CAMSAP1: variants seen among roughly 807,000 people sequenced by gnomAD.
CAMSAP1 encodes the protein calmodulin regulated spectrin associated protein 1.
In CAMSAP1, 58 loss-of-function variants were observed where a neutral mutation model predicts 143.5. That is an observed-to-expected ratio of 0.40 (90% confidence interval 0.33 to 0.50). CAMSAP1 has a LOEUF of 0.50. Among genes scored for constraint, CAMSAP1 ranks in the 20% least tolerant of loss-of-function variants. The probability of loss-of-function intolerance (pLI) is 0.45; values close to 1 mark genes in which losing one functional copy is unlikely to be tolerated. For synonymous variants in CAMSAP1, 945 were observed against 859.3 expected, an observed-to-expected ratio of 1.10 and a Z score of -1.74; for missense variants, 1,969 against 2,115.7, an observed-to-expected ratio of 0.93 and a Z score of 1.36.
chr9:135,866,230 A>G (rs1036198949), intron 4 of CAMSAP1: 1 of 471,638 alleles, frequency 2.1e-6, no homozygotes, highest in Non-Finnish European at 3.9e-6. Context: ...CACGCACCAT[A>G]AAGTGCAATA....
chr9:135,901,919 C>T (rs1838630082), intron 1 of CAMSAP1, among the ~76,000 whole-genome samples: 1 of 152,172 alleles, frequency 6.6e-6, no homozygotes, highest in Admixed American at 6.5e-5. Context: ...TCAGTACACC[C>T]GAAGACACCT....
In CAMSAP1 at chr9:135,826,967, C is replaced by A. The variant is rs7035330; in HGVS notation, c.1223+440G>T. Among the ~76,000 whole-genome samples the A allele has an allele frequency of 0.35, 52,977 of 152,168 alleles. 10,809 individuals are homozygous for A. Among genetic ancestry groups the A allele is most frequent in the African/African-American group, 0.57 (23,854 of 41,500 alleles). On this transcript the variant is annotated intron_variant, in intron 8 of 16. Transcript: ENST00000389532. The surrounding 1 kb of genome is among the most constrained non-coding windows in gnomAD (Gnocchi z 4.4). The stretch of plus-strand genomic sequence containing the variant: ...AAGCAGCTCTATACACTTTTTCACT[C>A]GAATCAAATTAATTCTTCCCCAAAG...
intron 3 of CAMSAP1, among the ~76,000 whole-genome samples, chr9:135,875,441 C>T (rs1034070305): frequency 1.3e-5 from 2 of 152,060 alleles, no homozygotes; most frequent in African/African-American, 2.4e-5. Context: ...GAACTCCTGA[C>T]CTCAAGTGAC....
rs367693219 is a variant in CAMSAP1 at position 135,882,986 on chromosome 9, T to C, written c.253A>G (p.Ser85Gly). 1.9e-5 allele frequency: 30 copies of C among 1,551,634 alleles called. No individual in the cohort carries two copies. The highest frequency in any genetic ancestry group is 2.6e-5 in the Non-Finnish European group (30 of 1,147,012). The change falls in exon 2 of 17, where the codon AGC (serine) becomes GGC (glycine). Residue 85 changes from serine to glycine, a missense_variant. This residue lies in a region of CAMSAP1 where 215 missense variants were observed against 196.2 expected (regional missense o/e 1.10). Transcript: ENST00000389532. This position sits in a 1 kb window ranked among gnomAD's most constrained non-coding sequence, Gnocchi z 4.9. ...KPPVIKLLLS[S>G]ELYCRVCSLI... The stretch of plus-strand genomic sequence containing the variant: ...CTGCAGACACGGCAGTACAGCTCGC[T>C]GGACAGGAGAAGCTTGATAACAGGC...
chr9:135,882,794 G>A lies in CAMSAP1; in HGVS notation c.423+22C>T, dbSNP rs1838002889. 7 of 1,540,868 alleles carry A rather than the reference G, an allele frequency of 4.5e-6. No individual in the cohort carries two copies. The highest frequency in any genetic ancestry group is 4.1e-5 in the African/African-American group (3 of 73,058). On this transcript the variant is annotated intron_variant, in intron 2 of 16. Transcript: ENST00000389532. The surrounding 1 kb of genome is among the most constrained non-coding windows in gnomAD (Gnocchi z 4.9). ...CGGCTCCAGAGGATGGCCCCTGGGGGCGGCCACCGCAGACCACTCACCATT... is the reference window on the plus strand; with the variant it reads ...CGGCTCCAGAGGATGGCCCCTGGGGACGGCCACCGCAGACCACTCACCATT...
At chr9:135,844,232 G>A (rs549171545) in intron 7 of CAMSAP1, among the ~76,000 whole-genome samples, 8 of 152,042 alleles carry the variant, frequency 5.3e-5, no homozygotes, top group East Asian at 1.9e-4. Context: ...GCCAAAGAAC[G>A]GAAATCATAA....
chr9:135,896,226 CCATT>C (rs145098231), intron 1 of CAMSAP1, among the ~76,000 whole-genome samples: 2,083 of 151,958 alleles, frequency 0.014, 19 homozygotes, highest in Middle Eastern at 0.027. Flanking sequence ...AAAAGATACG[CCATT>C]CAAACACTTT....
rs553840726 is a variant in CAMSAP1, at chr9:135,836,554, G to C, written c.1046-8970C>G. The C allele has an allele frequency of 1.6e-5, 16 of 970,360 alleles. No individual in the cohort carries two copies. In the African/African-American group the frequency reaches 3.1e-4, roughly 19 times the overall value. 60.1% of individuals were successfully genotyped at this position (970,360 alleles called of 1,614,324 possible). A position where few individuals can be genotyped will look rare whatever the true frequency, so the allele number is the denominator to read the frequency against. On this transcript the variant is annotated intron_variant, in intron 7 of 16. Transcript: ENST00000389532. ...CACACAGTCATGTACCTTCTACCCCGTTCTACAGACACACATCACCACACA... is the reference window on the plus strand; with the variant it reads ...CACACAGTCATGTACCTTCTACCCCCTTCTACAGACACACATCACCACACA...
chr9:135,891,410 G>A (rs1299408926), intron 1 of CAMSAP1, among the ~76,000 whole-genome samples: 1 of 152,240 alleles, frequency 6.6e-6, no homozygotes, highest in East Asian at 1.9e-4. Context: ...GTATGAGCCT[G>A]CAAGATCTGG....
intron 1 of CAMSAP1, among the ~76,000 whole-genome samples, chr9:135,906,348 C>T (rs1461562777): frequency 6.6e-6 from 1 of 152,252 alleles, no homozygotes; most frequent in Non-Finnish European, 1.5e-5. Flanking sequence ...AAGAAGTCAG[C>T]CACTGACGAG....
Position 135,827,594 on chromosome 9 carries a change from T to C in CAMSAP1, c.1046-10A>G. ...TGTAACACTGTTTTCGCTGCAGAAA[T>C]AGCGTTTTTGCATCGTTACTTACAA... On this transcript the variant is annotated splice_polypyrimidine_tract_variant and intron_variant, in intron 7 of 16. Coordinates refer to ENST00000389532, the MANE Select transcript of CAMSAP1 (RefSeq NM_015447.4). 2 of 1,548,806 alleles carry C rather than the reference T, an allele frequency of 1.3e-6. No homozygotes were observed. The highest frequency in any genetic ancestry group is 1.8e-6 in the Non-Finnish European group (2 of 1,136,722).
chr9:135,905,752 T>C (rs1451823190), intron 1 of CAMSAP1, among the ~76,000 whole-genome samples: 3 of 152,200 alleles, frequency 2.0e-5, no homozygotes, highest in South Asian at 2.1e-4. Flanking sequence ...AGCAAAACAG[T>C]GACTAACACA....
intron 16 of CAMSAP1, 125 bp downstream of exon 16, chr9:135,814,972 A>T: frequency 1.4e-6 from 1 of 734,062 alleles, no homozygotes; most frequent in Non-Finnish European, 2.3e-6. Context: ...TCTTCCTTGA[A>T]ATCTGCATTC....
intron 1 of CAMSAP1, among the ~76,000 whole-genome samples, chr9:135,896,660 T>G (rs983384877): frequency 6.6e-6 from 1 of 152,150 alleles, no homozygotes; most frequent in African/African-American, 2.4e-5. Flanking sequence ...TCAAACTAGG[T>G]TATCTTAATG....
At position 135,817,962 on chromosome 9, in the gene CAMSAP1, T is replaced by C. The variant is rs980692689; in HGVS notation, c.4271+15A>G. On this transcript the variant is annotated intron_variant, in intron 14 of 16. Transcript: ENST00000389532. ...TCCTCCAGCCCCGTGCCGGCGGCCG[T>C]CTCAGGCCCCTTACCGCTGAGAGGG... is the stretch of plus-strand genomic sequence containing the variant. 1.2e-6 allele frequency: 2 copies of C among 1,612,934 alleles called. No homozygotes were observed. The highest frequency in any genetic ancestry group is 2.7e-5 in the African/African-American group (2 of 74,884).
At chr9:135,892,177 C>G (rs1838310518) in intron 1 of CAMSAP1, among the ~76,000 whole-genome samples, 1 of 152,126 alleles carries the variant, frequency 6.6e-6, no homozygotes, top group African/African-American at 2.4e-5. Flanking sequence ...AAACCCCAAA[C>G]AGAATAAACT....
intron 14 of CAMSAP1, among the ~76,000 whole-genome samples, chr9:135,816,572 C>A (rs138899815): frequency 6.6e-6 from 1 of 152,218 alleles, no homozygotes; most frequent in Non-Finnish European, 1.5e-5. Context: ...ACAAGGGAGG[C>A]AGACAGAGCT....
At chr9:135,885,795 C>T (rs772825646) in intron 1 of CAMSAP1, among the ~76,000 whole-genome samples, 2 of 152,078 alleles carry the variant, frequency 1.3e-5, no homozygotes, top group African/African-American at 2.4e-5. Context: ...AGGAAAATGA[C>T]GCACTTACTA....
chr9:135,874,390 T>G (rs1288953921), intron 3 of CAMSAP1, among the ~76,000 whole-genome samples: 2 of 138,532 alleles, frequency 1.4e-5, no homozygotes, highest in East Asian at 2.3e-4. Flanking sequence ...AAGGATTGCT[T>G]GAGCCCAGGA....
Sources: gnomAD v4.1 joint callset for allele counts (sites outside exome capture counted in the v4.1 genomes callset) on GRCh38, gnomAD v4.1.1 for gene constraint, gnomAD v4.1.1 regional missense constraint, Gnocchi (gnomAD v3.1) non-coding constraint, MANE v1.5 for transcripts, NCBI Gene and HGNC (gene_info 2026-07-23, HGNC 2026-07-21) for gene names.